DNM3: variants seen among roughly 807,000 people sequenced by gnomAD.
The protein encoded by DNM3 is dynamin-3.
A neutral mutation model predicts 101.6 loss-of-function variants in DNM3; 47 were observed. The ratio of observed to expected loss-of-function variants is 0.46; its 90% CI spans 0.37 to 0.59. The LOEUF (loss-of-function observed/expected upper bound fraction) is 0.59. Among genes scored for constraint, DNM3 ranks in the 20% least tolerant of loss-of-function variants. The pLI, the probability that DNM3 is intolerant of heterozygous loss-of-function variation, is 0.00. For missense variants in DNM3, 849 were observed against 1,085.7 expected, an observed-to-expected ratio of 0.78 and a Z score of 3.06; for synonymous variants, 385 against 387.9, an observed-to-expected ratio of 0.99 and a Z score of 0.09.
At chr1:172,015,644 C>A (rs1252112550) in intron 4 of DNM3, among the ~76,000 whole-genome samples, 1 of 152,006 alleles carries the variant, frequency 6.6e-6, no homozygotes, top group African/African-American at 2.4e-5. Flanking sequence ...TCTATAATTG[C>A]TTATTAGTTT....
intron 13 of DNM3, among the ~76,000 whole-genome samples, chr1:172,110,041 A>C (rs2055348770): frequency 1.3e-5 from 2 of 152,120 alleles, no homozygotes. Context: ...TGAACCTGTT[A>C]CTCCTCAGCT....
rs115137594 is a variant in DNM3 at position 172,052,132 on chromosome 1, G to A, written c.1335+3382G>A. 6.1e-3 allele frequency among the ~76,000 whole-genome samples: 924 copies of A among 152,126 alleles called. 10 individuals carry two copies. The highest frequency in any genetic ancestry group is 0.021 in the African/African-American group (871 of 41,508). ...CATCCTCACTTTCAATGAAGGTTTC[G>A]CAGAAAAAATAGGGGCCATAAATGG... On this transcript the variant is annotated intron_variant, in intron 10 of 20. Transcript: ENST00000627582.
intron 10 of DNM3, among the ~76,000 whole-genome samples, chr1:172,068,428 C>G (rs1336418550): frequency 6.6e-6 from 1 of 152,168 alleles, no homozygotes; most frequent in Non-Finnish European, 1.5e-5. Context: ...TCATGAAGTT[C>G]TTAGCGCCTG....
At position 172,093,882 on chromosome 1, in the gene DNM3, T is replaced by A. The variant is rs2054079541; in HGVS notation, c.1545+1007T>A. On this transcript the variant is annotated intron_variant, in intron 13 of 20. Coordinates refer to ENST00000627582, the MANE Select transcript of DNM3 (RefSeq NM_015569.5). Reference sequence around the variant, plus strand: ...TAACACCCTATCATTGAAATAAAAATCCTCTTAAGAGGGTTCATCCCTTCA... The same window carrying A: ...TAACACCCTATCATTGAAATAAAAAACCTCTTAAGAGGGTTCATCCCTTCA... Among the ~76,000 whole-genome samples the A allele has an allele frequency of 2.0e-5, 3 of 152,308 alleles. No individual in the cohort carries two copies. In the South Asian group the frequency reaches 6.2e-4, roughly 32 times the overall value.
intron 15 of DNM3, among the ~76,000 whole-genome samples, chr1:172,306,151 A>T (rs539908788): frequency 1.3e-5 from 2 of 152,342 alleles, no homozygotes; most frequent in South Asian, 4.1e-4. Flanking sequence ...TCAGCCCAAA[A>T]TCTCCTTAAG....
At chr1:172,013,457 T>G (rs940867650) in intron 4 of DNM3, among the ~76,000 whole-genome samples, 6 of 152,146 alleles carry the variant, frequency 3.9e-5, no homozygotes, top group Non-Finnish European at 5.9e-5. Flanking sequence ...ATTCTGTGTT[T>G]GGCAGCTCTG....
intron 13 of DNM3, among the ~76,000 whole-genome samples, chr1:172,118,118 G>T (rs2056052623): frequency 6.6e-6 from 1 of 152,236 alleles, no homozygotes; most frequent in Admixed American, 6.5e-5. Context: ...CAAAGGTGAG[G>T]AAGGAAGGTC....
At chr1:171,954,154 A>G (rs945649832) in intron 2 of DNM3, among the ~76,000 whole-genome samples, 3 of 152,328 alleles carry the variant, frequency 2.0e-5, no homozygotes, top group South Asian at 2.1e-4. Context: ...CTTGCAGCCC[A>G]TTGTAACTGC....
In DNM3 at chr1:171,873,756, G is replaced by A. The variant is rs147354951; in HGVS notation, c.161+31939G>A. Among the ~76,000 whole-genome samples, 357 of 152,152 alleles carry A rather than the reference G, an allele frequency of 2.3e-3. 1 individual carries two copies. The highest frequency in any genetic ancestry group is 3.9e-3 in the Non-Finnish European group (264 of 67,986). On this transcript the variant is annotated intron_variant, in intron 1 of 20. Transcript: ENST00000627582. ...AAAACTGTACGCTTTTTCTTTTCTCGTTCTCCACGAAGTAAGAAAATACTG... is the reference window on the plus strand; with the variant it reads ...AAAACTGTACGCTTTTTCTTTTCTCATTCTCCACGAAGTAAGAAAATACTG...
chr1:172,418,250 A>ACTTTG (rs2071499940), intron 20 of DNM3: 1 of 1,276,294 alleles, frequency 7.8e-7, no homozygotes, highest in Admixed American at 2.3e-5. Context: ...TCTTTTTGTT[A>ACTTTG]TTTTGTTTTG....
rs550886122 is a variant in DNM3, at chr1:171,852,531, A to G, written c.161+10714A>G. Among the ~76,000 whole-genome samples, 6 of 152,360 alleles carry G rather than the reference A, an allele frequency of 3.9e-5. No homozygotes were observed. In the East Asian group the frequency reaches 1.2e-3, roughly 29 times the overall value. The stretch of plus-strand genomic sequence containing the variant: ...CAGGATTGCTATGCACTGCACTGTC[A>G]GGATACCCAGGCTAACAATTCTTAT... On this transcript the variant is annotated intron_variant, in intron 1 of 20. Coordinates refer to ENST00000627582, the MANE Select transcript of DNM3 (RefSeq NM_015569.5).
At chr1:172,274,690 GAAACACTGGTTTTTAA>G (rs1217162055) in intron 15 of DNM3, among the ~76,000 whole-genome samples, 1 of 149,212 alleles carries the variant, frequency 6.7e-6, no homozygotes, top group African/African-American at 2.5e-5. Context: ...GAATTTCCCT[GAAACACTGGTTTTTAA>G]ACCTTCTCTA....
intron 14 of DNM3, among the ~76,000 whole-genome samples, chr1:172,181,375 TACAC>T (rs55756017): frequency 0.06 from 8,793 of 147,356 alleles, 312 homozygotes; most frequent in Admixed American, 0.097. Context: ...CACTTGAGTT[TACAC>T]ACACACACAC....
chr1:172,387,357 C>T lies in DNM3; in HGVS notation c.2283C>T (p.Arg761=). 6.2e-7 allele frequency: 1 copy of T among 1,612,546 alleles called. No homozygotes were observed. Among genetic ancestry groups the T allele is most frequent in the South Asian group, 1.1e-5 (1 of 90,956 alleles). ...PVDDSWIQHS[R]RSPPPSPTTQ... is the part of the protein sequence containing the mutation. The stretch of plus-strand genomic sequence containing the variant: ...ATGACTCCTGGATACAGCACTCTCG[C>T]AGGTAAGAAGATGGCCCCGGCCGGG... Residue 761 remains arginine (R), a splice_region_variant and synonymous_variant, in exon 19 of 21, where the codon CGC becomes CGT. Coordinates refer to ENST00000627582, the MANE Select transcript of DNM3 (RefSeq NM_015569.5).
chr1:171,896,136 C>G (rs1233034174), intron 1 of DNM3, among the ~76,000 whole-genome samples: 1 of 152,046 alleles, frequency 6.6e-6, no homozygotes, highest in Non-Finnish European at 1.5e-5. Context: ...CTTTTTGGTT[C>G]CATATGAACT....
chr1:172,197,495 G>A (rs1011701540), intron 14 of DNM3, among the ~76,000 whole-genome samples: 1 of 151,986 alleles, frequency 6.6e-6, no homozygotes, highest in South Asian at 2.1e-4. Context: ...AAATTGCTTT[G>A]GGCAGTATAA....
intron 14 of DNM3, among the ~76,000 whole-genome samples, chr1:172,222,465 G>A (rs191654865): frequency 6.6e-6 from 1 of 152,284 alleles, no homozygotes; most frequent in Admixed American, 6.5e-5. Flanking sequence ...GCCAAGGTTT[G>A]CATCAAGGAA....
At chr1:172,053,263 T>C (rs2050333045) in intron 10 of DNM3, among the ~76,000 whole-genome samples, 1 of 152,144 alleles carries the variant, frequency 6.6e-6, no homozygotes, top group Admixed American at 6.6e-5. Flanking sequence ...TTTTGACATT[T>C]GCATAAGTGA....
intron 12 of DNM3, among the ~76,000 whole-genome samples, chr1:172,089,577 A>G (rs1286907074): frequency 6.6e-6 from 1 of 152,254 alleles, no homozygotes; most frequent in Admixed American, 6.5e-5. Context: ...AAGTAACTTC[A>G]AGTAGCTAAA....
Sources: gnomAD v4.1 joint callset for allele counts (sites outside exome capture counted in the v4.1 genomes callset) on GRCh38, gnomAD v4.1.1 for gene constraint, MANE v1.5 for transcripts, NCBI Gene and HGNC (gene_info 2026-07-23, HGNC 2026-07-21) for gene names.